Variants in RAPGEF2 observed in about 807,000 individuals in gnomAD.
RAPGEF2 encodes the protein PDZ domain containing guanine nucleotide exchange factor (GEF) 1.
RAPGEF2 carries 54 observed loss-of-function variants against 186.7 expected under a neutral mutation model. The ratio of observed to expected loss-of-function variants is 0.29; its 90% confidence interval spans 0.23 to 0.36. The LOEUF is 0.36. RAPGEF2 is among the 10% of genes least tolerant of loss of function. RAPGEF2 has a pLI of 1.00. For synonymous variants in RAPGEF2, 712 were observed against 705.9 expected (o/e 1.01, Z -0.14); for missense variants, 1,532 against 2,045.0 (o/e 0.75, Z 4.84).
chr4:159,308,620 C>T (rs1031267054), intron 8 of RAPGEF2, among the ~76,000 whole-genome samples: 2 of 152,148 alleles, frequency 1.3e-5, no homozygotes, highest in Admixed American at 1.3e-4. Context: ...AGAATAAATG[C>T]TCACAAGATG....
chr4:159,126,092 G>A (rs1274773437), intron 1 of RAPGEF2, among the ~76,000 whole-genome samples: 1 of 152,078 alleles, frequency 6.6e-6, no homozygotes, highest in Non-Finnish European at 1.5e-5. Flanking sequence ...AAATAACTGG[G>A]TGATATTTGA....
chr4:159,338,545 T>G (rs554019435), intron 18 of RAPGEF2, 77 bp downstream of exon 18: 3 of 1,368,512 alleles, frequency 2.2e-6, no homozygotes, highest in South Asian at 2.8e-5. Flanking sequence ...ATTATATGTA[T>G]CTCTCTTCAT....
chr4:159,302,250 G>A (rs1437367583), intron 7 of RAPGEF2, among the ~76,000 whole-genome samples: 2 of 152,022 alleles, frequency 1.3e-5, no homozygotes, highest in African/African-American at 4.8e-5. Flanking sequence ...GGAAGATGAT[G>A]GATTCTGAAG....
intron 7 of RAPGEF2, among the ~76,000 whole-genome samples, chr4:159,263,291 G>A (rs1189479223): frequency 6.6e-6 from 1 of 152,144 alleles, no homozygotes; most frequent in African/African-American, 2.4e-5. Context: ...TAGGAAAAGA[G>A]AAGTAAAACT....
intron 1 of RAPGEF2, among the ~76,000 whole-genome samples, chr4:159,152,619 TGTTTTTTTG>T (rs1313345623): frequency 1.3e-5 from 2 of 152,166 alleles, no homozygotes; most frequent in East Asian, 3.9e-4. Context: ...AACTTTTTTT[TGTTTTTTTG>T]GTTTTTTTAG....
At chr4:159,155,984 A>G (rs1561021704) in intron 1 of RAPGEF2, among the ~76,000 whole-genome samples, 1 of 152,226 alleles carries the variant, frequency 6.6e-6, no homozygotes, top group Non-Finnish European at 1.5e-5. Flanking sequence ...TTTTCTAGAT[A>G]TATGAGCTAC....
intron 25 of RAPGEF2, among the ~76,000 whole-genome samples, chr4:159,349,367 G>C (rs1015351426): frequency 6.6e-6 from 1 of 152,110 alleles, no homozygotes; most frequent in Admixed American, 6.5e-5. Context: ...AATATGAGAG[G>C]CTTTGTAAAA....
chr4:159,251,986 C>G (rs529537870), intron 7 of RAPGEF2, among the ~76,000 whole-genome samples: 52 of 152,042 alleles, frequency 3.4e-4, no homozygotes, highest in Non-Finnish European at 7.4e-4. Context: ...AAGTCAGAGA[C>G]CACGAACCCA....
intron 7 of RAPGEF2, among the ~76,000 whole-genome samples, chr4:159,251,308 A>C (rs771901456): frequency 2.6e-5 from 4 of 152,212 alleles, no homozygotes; most frequent in African/African-American, 4.8e-5. Flanking sequence ...CCAAGGGCTG[A>C]GGAGTGCAGT....
At chr4:159,142,573 G>A (rs1449584499) in intron 1 of RAPGEF2, among the ~76,000 whole-genome samples, 2 of 150,206 alleles carry the variant, frequency 1.3e-5, no homozygotes, top group Non-Finnish European at 3.0e-5. Context: ...AACCAAGAAC[G>A]TTTATTGCTA....
At chr4:159,266,555 C>T (rs1358918586) in intron 7 of RAPGEF2, among the ~76,000 whole-genome samples, 2 of 151,900 alleles carry the variant, frequency 1.3e-5, no homozygotes, top group African/African-American at 4.8e-5. Flanking sequence ...AACTCTCTAC[C>T]TCTGAAGTTT....
At chr4:159,169,840 C>T (rs1267003125) in intron 1 of RAPGEF2, among the ~76,000 whole-genome samples, 1 of 152,098 alleles carries the variant, frequency 6.6e-6, no homozygotes, top group African/African-American at 2.4e-5. Flanking sequence ...AGGTTGATTC[C>T]GTATCTCAGC....
At chr4:159,230,294 TA>T (rs1752493058) in intron 4 of RAPGEF2, among the ~76,000 whole-genome samples, 1 of 152,212 alleles carries the variant, frequency 6.6e-6, no homozygotes, top group Non-Finnish European at 1.5e-5. Context: ...CTCTCATTGA[TA>T]ACTGTTAACC....
In RAPGEF2 at chr4:159,234,038, T is replaced by TA. The variant is rs1752953974; in HGVS notation, c.282-4765dup. 3.9e-5 allele frequency among the ~76,000 whole-genome samples: 6 copies of TA among 152,204 alleles called. No individual in the cohort carries two copies. The South Asian group carries it at 1.2e-3, about 32-fold the overall frequency. Reference sequence around the variant, plus strand: ...TTTAGGACCAGCTTTTTCATTTCTGTAAAAAAGACTGGTCTAATTTTGATA... The same window carrying TA: ...TTTAGGACCAGCTTTTTCATTTCTGTAAAAAAAGACTGGTCTAATTTTGATA... On this transcript the variant is annotated intron_variant, in intron 4 of 29. Transcript: ENST00000691494.
chr4:159,332,499 C>T lies in RAPGEF2; in HGVS notation c.1937C>T (p.Ala646Val), dbSNP rs777594266. ...TTGTCAGAAGAGAAAAGAAATGGTG[C>T]CCCCCACCTTCCTAAAATTGGTGAC... ...TRLSEEKRNG[A>V]PHLPKIGDIK... The change falls in exon 17 of 30, where the codon GCC becomes GTC. Residue 646 changes from alanine to valine, a missense_variant. By Grantham distance (64) the Ala-to-Val change is moderately conservative. Transcript: ENST00000691494. 21 of 1,613,566 alleles carry T rather than the reference C, an allele frequency of 1.3e-5. No homozygotes were observed. The highest frequency in any genetic ancestry group is 2.2e-5 in the East Asian group (1 of 44,882).
chr4:159,187,120 C>T (rs750546386), intron 2 of RAPGEF2, among the ~76,000 whole-genome samples: 42 of 152,312 alleles, frequency 2.8e-4, no homozygotes, highest in Admixed American at 8.5e-4. Context: ...AAGTCTGCTT[C>T]ATCTAGGTCC....
chr4:159,238,786 ATTTTT>A lies in RAPGEF2; in HGVS notation c.282-17_282-13del. On this transcript the variant is annotated intron_variant, in intron 4 of 29. Coordinates refer to ENST00000691494, the MANE Select transcript of RAPGEF2 (RefSeq NM_001394067.2). ...TAAATCTCTGAGGTTCTCCTCATTG[ATTTTT>A]TTTTTCTTTCTTTCTAGTTTTGGCA... is the stretch of plus-strand genomic sequence containing the variant. The A allele has an allele frequency of 7.1e-7, 1 of 1,409,284 alleles. No individual in the cohort carries two copies. The highest frequency in any genetic ancestry group is 1.4e-5 in the South Asian group (1 of 72,976). The allele number at this position is 1,409,284 out of a possible 1,614,324, so 87.3% of individuals were successfully genotyped here. A position where few individuals can be genotyped will look rare whatever the true frequency, so the allele number is the denominator to read the frequency against.
At chr4:159,185,763 C>T (rs1314744676) in intron 1 of RAPGEF2, among the ~76,000 whole-genome samples, 2 of 151,802 alleles carry the variant, frequency 1.3e-5, no homozygotes, top group Admixed American at 6.6e-5. Flanking sequence ...TACAACAAAA[C>T]CACTGAATTG....
At chr4:159,239,157 A>G (rs1439009377) in intron 5 of RAPGEF2, among the ~76,000 whole-genome samples, 1 of 152,166 alleles carries the variant, frequency 6.6e-6, no homozygotes, top group Non-Finnish European at 1.5e-5. Context: ...TCAATCTATA[A>G]TAATGCCATT....
Sources: gnomAD v4.1 joint callset for allele counts (sites outside exome capture counted in the v4.1 genomes callset) on GRCh38, gnomAD v4.1.1 for gene constraint, MANE v1.5 for transcripts, NCBI Gene and HGNC (gene_info 2026-07-23, HGNC 2026-07-21) for gene names.